SGCD: variants seen among roughly 807,000 people sequenced by gnomAD.
The protein encoded by SGCD is delta-sarcoglycan.
In SGCD, 18 loss-of-function variants were observed where a neutral mutation model predicts 36.6. The observed-to-expected ratio is 0.49, with a 90% CI of 0.34 to 0.73. The LOEUF (loss-of-function observed/expected upper bound fraction) is 0.73. SGCD is among the 30% of genes least tolerant of loss of function. The probability of loss-of-function intolerance (pLI) is 0.01; values close to 1 mark genes in which losing one functional copy is unlikely to be tolerated. For synonymous variants in SGCD, 133 were observed against 130.6 expected, an observed-to-expected ratio of 1.02 and a Z score of -0.12; for missense variants, 387 against 346.7, an observed-to-expected ratio of 1.12 and a Z score of -0.92.
upstream of SGCD, among the ~76,000 whole-genome samples, chr5:155,867,147 A>G (rs192908082): frequency 4.6e-5 from 7 of 152,200 alleles, no homozygotes; most frequent in Admixed American, 3.3e-4. Flanking sequence ...TAAACAGATC[A>G]CAAGATGATG....
intron 3 of SGCD, among the ~76,000 whole-genome samples, chr5:156,187,689 T>C (rs1309641285): frequency 6.6e-6 from 1 of 152,120 alleles, no homozygotes; most frequent in African/African-American, 2.4e-5. Flanking sequence ...TTAGCTGCTG[T>C]TATAACTTTG....
rs756882037 is a variant in SGCD, at chr5:156,757,638, T to C, written c.633T>C (p.Asn211=). The C allele has an allele frequency of 2.5e-6, 4 of 1,611,226 alleles. No homozygotes were observed. In the East Asian group the frequency reaches 6.7e-5, roughly 27 times the overall value. The change falls in exon 8 of 9, where the codon AAT becomes AAC. Residue 211 remains asparagine (N), a synonymous_variant. Coordinates refer to ENST00000337851, the MANE Select transcript of SGCD (RefSeq NM_000337.6). ...VMEAPKGVEI[N]AEAGNMEATC... ...AGGCCCCAAAAGGAGTGGAAATCAA[T>C]GCAGAAGCTGGCAATATGGAAGCCA...
intron 1 of SGCD, among the ~76,000 whole-genome samples, chr5:156,046,436 T>C (rs1759767151): frequency 6.6e-6 from 1 of 152,202 alleles, no homozygotes. Flanking sequence ...TGAAGGTTTG[T>C]AGCAATTCTG....
chr5:156,318,231 C>T (rs974258252), intron 3 of SGCD, among the ~76,000 whole-genome samples: 1 of 152,136 alleles, frequency 6.6e-6, no homozygotes, highest in African/African-American at 2.4e-5. Context: ...TCTTCTCTTC[C>T]TCTAAGAAGA....
At chr5:156,656,562 A>C (rs1364878902) in intron 7 of SGCD, among the ~76,000 whole-genome samples, 1 of 152,176 alleles carries the variant, frequency 6.6e-6, no homozygotes. Context: ...TCAAAATGTT[A>C]CTGGGTATTT....
chr5:156,152,007 G>A (rs1762845029), intron 3 of SGCD, among the ~76,000 whole-genome samples: 1 of 151,172 alleles, frequency 6.6e-6, no homozygotes, highest in Admixed American at 6.6e-5. Context: ...TGAAGCCATT[G>A]GCTTGTATTG....
intron 3 of SGCD, among the ~76,000 whole-genome samples, chr5:156,159,442 A>G (rs1232817948): frequency 6.6e-6 from 1 of 151,706 alleles, no homozygotes; most frequent in South Asian, 2.1e-4. Context: ...AGTCTCAGCC[A>G]GGATACATAT....
At chr5:156,510,438 A>G (rs562814032) in intron 4 of SGCD, among the ~76,000 whole-genome samples, 1 of 152,234 alleles carries the variant, frequency 6.6e-6, no homozygotes, top group Admixed American at 6.5e-5. Context: ...CCAACCTGGC[A>G]ATTTGGTTAG....
Position 156,372,731 on chromosome 5 carries a change from T to TTA in SGCD, c.192+28055_192+28056dup, listed in dbSNP as rs772132842. Among the ~76,000 whole-genome samples the TTA allele has an allele frequency of 4.5e-4, 69 of 152,320 alleles. 1 individual carries two copies. The highest frequency in any genetic ancestry group is 7.1e-4 in the Non-Finnish European group (48 of 68,028). On this transcript the variant is annotated intron_variant, in intron 3 of 8. Coordinates refer to ENST00000337851, the MANE Select transcript of SGCD (RefSeq NM_000337.6). ...TGGACATAGCTTTGCCTCCTACAAA[T>TTA]TAGACATTTTGAAGCTTTTAAAACT...
At chr5:156,485,963 C>T (rs888191771) in intron 3 of SGCD, among the ~76,000 whole-genome samples, 2 of 152,118 alleles carry the variant, frequency 1.3e-5, no homozygotes, top group African/African-American at 4.8e-5. Context: ...AAGAGCTCCT[C>T]AGGTTTTGCA....
intron 2 of SGCD, among the ~76,000 whole-genome samples, chr5:156,341,580 C>T (rs1374738619): frequency 6.6e-6 from 1 of 152,152 alleles, no homozygotes; most frequent in Non-Finnish European, 1.5e-5. Flanking sequence ...TGGCATTATT[C>T]TAGACCAATG....
At chr5:155,788,889 G>A in the SGCD span, among the ~76,000 whole-genome samples, 2,011 of 152,198 alleles carry the variant, frequency 0.013, 55 homozygotes, top group African/African-American at 0.045. Context: ...TGATAGTTCA[G>A]GCCAAGAGAA....
intron 4 of SGCD, among the ~76,000 whole-genome samples, chr5:156,553,975 C>T (rs1174245577): frequency 1.3e-5 from 2 of 151,240 alleles, no homozygotes; most frequent in Non-Finnish European, 2.9e-5. Context: ...TATATACAGT[C>T]GTCCCCCTTA....
intron 1 of SGCD, among the ~76,000 whole-genome samples, chr5:156,079,949 G>T (rs1311871356): frequency 6.6e-6 from 1 of 152,126 alleles, no homozygotes; most frequent in Admixed American, 6.5e-5. Context: ...TCTTTGTACT[G>T]CCCTAGTAGA....
At chr5:156,307,839 A>G (rs1414183669) in intron 3 of SGCD, among the ~76,000 whole-genome samples, 1 of 151,634 alleles carries the variant, frequency 6.6e-6, no homozygotes, top group East Asian at 1.9e-4. Flanking sequence ...ACAAAATTAT[A>G]TATTTTCACT....
chr5:155,853,740 T>A, the SGCD span, among the ~76,000 whole-genome samples: 1 of 152,186 alleles, frequency 6.6e-6, no homozygotes, highest in Admixed American at 6.6e-5. Context: ...TAGTAAACCA[T>A]CATTTTGCTT....
chr5:156,012,054 T>C (rs1758870482), intron 1 of SGCD, among the ~76,000 whole-genome samples: 1 of 152,248 alleles, frequency 6.6e-6, no homozygotes, highest in South Asian at 2.1e-4. Context: ...GAGAGATATG[T>C]CACTATTGCC....
chr5:156,594,983 C>G lies in SGCD; in HGVS notation c.434C>G (p.Ser145Cys), dbSNP rs1324593212. The G allele has an allele frequency of 2.4e-5, 39 of 1,612,416 alleles. No homozygotes were observed. The highest frequency in any genetic ancestry group is 3.2e-5 in the Non-Finnish European group (38 of 1,179,070). ...AAAAAATTTGAGGTAAAAACTGTTT[C>G]TGGAAAATTGCTCTTCTCTGCAGAC... ...YGKKFEVKTVSGKLLFSADNN... is the reference protein window; with the variant it reads ...YGKKFEVKTVCGKLLFSADNN... The change falls in exon 6 of 9, where the codon TCT becomes TGT. Residue 145 changes from serine (S) to cysteine (C), a missense_variant. Transcript: ENST00000337851.
intron 4 of SGCD, among the ~76,000 whole-genome samples, chr5:156,583,106 T>A (rs757415955): frequency 6.6e-6 from 1 of 152,132 alleles, no homozygotes; most frequent in Non-Finnish European, 1.5e-5. Flanking sequence ...ATTATGAACA[T>A]TTTCATAAAG....
Sources: gnomAD v4.1 joint callset for allele counts (sites outside exome capture counted in the v4.1 genomes callset) on GRCh38, gnomAD v4.1.1 for gene constraint, MANE v1.5 for transcripts, NCBI Gene and HGNC (gene_info 2026-07-23, HGNC 2026-07-21) for gene names.